MARCHF11: variants seen among roughly 807,000 people sequenced by gnomAD.
The protein encoded by MARCHF11 is E3 ubiquitin-protein ligase MARCHF11.
In MARCHF11, 29 loss-of-function variants were observed where a neutral mutation model predicts 37.3. That is an observed-to-expected ratio of 0.78 (90% CI 0.58 to 1.06). The LOEUF (loss-of-function observed/expected upper bound fraction) is 1.06, where lower values mean the gene tolerates loss of function less well. MARCHF11 is among the 50% of genes least tolerant of loss of function. MARCHF11 has a pLI of 0.00. For synonymous variants in MARCHF11, 233 were observed against 228.0 expected (o/e 1.02, Z -0.20); for missense variants, 482 against 533.4 (o/e 0.90, Z 0.95).
At chr5:16,080,180 C>T (rs1326041489) in intron 3 of MARCHF11, among the ~76,000 whole-genome samples, 2 of 152,226 alleles carry the variant, frequency 1.3e-5, no homozygotes, top group Non-Finnish European at 2.9e-5. Context: ...TGCGGTCTCG[C>T]ATCCATCCAC....
chr5:16,156,964 T>C (rs1183380837), intron 2 of MARCHF11, among the ~76,000 whole-genome samples: 1 of 151,954 alleles, frequency 6.6e-6, no homozygotes, highest in Non-Finnish European at 1.5e-5. Context: ...GAAACCTTGC[T>C]AGGTAGTGCA....
intron 3 of MARCHF11, among the ~76,000 whole-genome samples, chr5:16,072,923 A>G (rs1305624067): frequency 1.3e-5 from 2 of 152,184 alleles, no homozygotes; most frequent in African/African-American, 4.8e-5. Flanking sequence ...TGTCAGTGAC[A>G]CACAAGGATG....
chr5:16,082,268 C>T (rs953225602), intron 3 of MARCHF11, among the ~76,000 whole-genome samples: 4 of 152,184 alleles, frequency 2.6e-5, no homozygotes, highest in Non-Finnish European at 5.9e-5. Flanking sequence ...ATCAGACTCT[C>T]TCTAAATGAA....
intron 2 of MARCHF11, among the ~76,000 whole-genome samples, chr5:16,154,135 T>C (rs1022142306): frequency 1.1e-4 from 16 of 151,950 alleles, no homozygotes; most frequent in African/African-American, 3.9e-4. Context: ...TATTTTGGAT[T>C]TCCACCAATA....
chr5:16,111,827 A>G (rs1470881334), intron 2 of MARCHF11, among the ~76,000 whole-genome samples: 3 of 152,316 alleles, frequency 2.0e-5, no homozygotes, highest in Non-Finnish European at 4.4e-5. Flanking sequence ...GGCCAGGCCT[A>G]AGACCCCCAT....
chr5:16,145,197 C>T (rs537854026), intron 2 of MARCHF11, among the ~76,000 whole-genome samples: 57 of 152,282 alleles, frequency 3.7e-4, no homozygotes, highest in Admixed American at 1.4e-3. Flanking sequence ...CCAAACACTA[C>T]CTTGGCCAAG....
intron 2 of MARCHF11, among the ~76,000 whole-genome samples, chr5:16,153,683 A>G (rs1737925220): frequency 6.6e-6 from 1 of 151,998 alleles, no homozygotes; most frequent in Admixed American, 6.6e-5. Flanking sequence ...TTGTGGCTTA[A>G]CATCTATTTA....
intron 2 of MARCHF11, among the ~76,000 whole-genome samples, chr5:16,105,614 A>G (rs1334324661): frequency 6.6e-6 from 1 of 152,126 alleles, no homozygotes; most frequent in South Asian, 2.1e-4. Flanking sequence ...AAGAGAGGAG[A>G]CACTTGGCCA....
intron 2 of MARCHF11, among the ~76,000 whole-genome samples, chr5:16,146,771 A>G (rs1242115211): frequency 1.3e-5 from 2 of 152,206 alleles, no homozygotes; most frequent in Non-Finnish European, 2.9e-5. Context: ...GCTTTCAACA[A>G]TAACACACTT....
At chr5:16,083,624 C>G (rs1391147846) in intron 3 of MARCHF11, among the ~76,000 whole-genome samples, 2 of 152,074 alleles carry the variant, frequency 1.3e-5, no homozygotes, top group East Asian at 3.8e-4. Flanking sequence ...TTTCTCTTTC[C>G]TTACACTAGG....
chr5:16,132,296 C>G (rs1737529827), intron 2 of MARCHF11, among the ~76,000 whole-genome samples: 1 of 152,194 alleles, frequency 6.6e-6, no homozygotes, highest in Non-Finnish European at 1.5e-5. Context: ...GGCTATGTTC[C>G]TTTTCGTCTG....
intron 2 of MARCHF11, among the ~76,000 whole-genome samples, chr5:16,105,884 A>G (rs1737031721): frequency 6.6e-6 from 1 of 152,168 alleles, no homozygotes; most frequent in African/African-American, 2.4e-5. Context: ...AATGACAAAT[A>G]GTCAAACAGT....
chr5:16,092,609 G>A (rs1736805563), intron 2 of MARCHF11, among the ~76,000 whole-genome samples: 1 of 152,108 alleles, frequency 6.6e-6, no homozygotes, highest in South Asian at 2.1e-4. Flanking sequence ...GGGAGGGAGA[G>A]CATTAGGACA....
intron 2 of MARCHF11, among the ~76,000 whole-genome samples, chr5:16,138,002 G>A (rs919513227): frequency 6.6e-6 from 1 of 152,192 alleles, no homozygotes; most frequent in Non-Finnish European, 1.5e-5. Flanking sequence ...GAGCATAAAA[G>A]TTCAGGAAAT....
chr5:16,162,273 G>C (rs976097330), intron 2 of MARCHF11, among the ~76,000 whole-genome samples: 7 of 151,606 alleles, frequency 4.6e-5, no homozygotes, highest in Non-Finnish European at 1.0e-4. Flanking sequence ...CATCTCACTA[G>C]AACATGCTAG....
chr5:16,126,923 T>C (rs1162235375), intron 2 of MARCHF11, among the ~76,000 whole-genome samples: 1 of 152,142 alleles, frequency 6.6e-6, no homozygotes, highest in African/African-American at 2.4e-5. Context: ...CATTAAAAAT[T>C]GGGGGAATAT....
intron 1 of MARCHF11, 108 bp downstream of exon 1, chr5:16,178,931 C>T (rs529800936): frequency 1.5e-6 from 2 of 1,291,322 alleles, no homozygotes; most frequent in African/African-American, 1.6e-5. Flanking sequence ...AGACGAGCCT[C>T]ACTGGAGGCA....
chr5:16,169,887 G>C (rs1003327196), intron 2 of MARCHF11, among the ~76,000 whole-genome samples: 1 of 152,058 alleles, frequency 6.6e-6, no homozygotes, highest in East Asian at 1.9e-4. Flanking sequence ...CTCTCAGAAG[G>C]TCCCAAAATA....
chr5:16,168,183 T>A (rs757171383), intron 2 of MARCHF11, among the ~76,000 whole-genome samples: 4 of 152,132 alleles, frequency 2.6e-5, no homozygotes, highest in African/African-American at 7.2e-5. Context: ...TATTTCTCTT[T>A]CAAGTTTTCT....
Sources: gnomAD v4.1 joint callset for allele counts (sites outside exome capture counted in the v4.1 genomes callset) on GRCh38, gnomAD v4.1.1 for gene constraint, MANE v1.5 for transcripts, NCBI Gene and HGNC (gene_info 2026-07-23, HGNC 2026-07-21) for gene names.